NDST4: variants seen among roughly 807,000 people sequenced by gnomAD.
NDST4 encodes N-heparan sulfate sulfotransferase 4.
In NDST4, 63 loss-of-function variants were observed where a neutral mutation model predicts 100.8. The ratio of observed to expected loss-of-function variants is 0.62; its 90% CI spans 0.51 to 0.77. NDST4 has a LOEUF of 0.77. NDST4 is among the 30% of genes least tolerant of loss of function. The pLI, the probability that NDST4 is intolerant of heterozygous loss-of-function variation, is 0.00. For synonymous variants in NDST4, 377 were observed against 361.8 expected (o/e 1.04, Z -0.48); for missense variants, 943 against 1,018.4 (o/e 0.93, Z 1.01).
intron 7 of NDST4, among the ~76,000 whole-genome samples, chr4:114,855,517 T>C (rs1578345660): frequency 6.6e-6 from 1 of 152,310 alleles, no homozygotes; most frequent in South Asian, 2.1e-4. Context: ...CCAGTACTGG[T>C]TACTGAAGAA....
At chr4:114,853,792 G>C (rs181606631) in intron 7 of NDST4, among the ~76,000 whole-genome samples, 10 of 152,130 alleles carry the variant, frequency 6.6e-5, no homozygotes, top group African/African-American at 2.2e-4. Flanking sequence ...ACTTTAATCA[G>C]TTCCTTTTTC....
At chr4:115,035,629 G>A (rs527649223) in intron 2 of NDST4, among the ~76,000 whole-genome samples, 18 of 152,090 alleles carry the variant, frequency 1.2e-4, no homozygotes, top group South Asian at 6.2e-4. Context: ...AAAACATAGC[G>A]ACATGTTTTT....
intron 6 of NDST4, among the ~76,000 whole-genome samples, chr4:114,873,409 T>C (rs375506066): frequency 6.6e-6 from 1 of 151,728 alleles, no homozygotes; most frequent in East Asian, 1.9e-4. Flanking sequence ...TTTAAATCAT[T>C]TAAAAATTTA....
At chr4:115,009,099 G>A (rs1459227161) in intron 2 of NDST4, among the ~76,000 whole-genome samples, 1 of 125,446 alleles carries the variant, frequency 8.0e-6, no homozygotes, top group Non-Finnish European at 1.7e-5. Flanking sequence ...CGTGAAAATG[G>A]CCATACTGCC....
chr4:114,991,991 A>G (rs1168846257), intron 2 of NDST4, among the ~76,000 whole-genome samples: 2 of 151,970 alleles, frequency 1.3e-5, no homozygotes, highest in African/African-American at 4.8e-5. Context: ...TATAATCAGT[A>G]TATCTTTTTC....
At chr4:114,925,944 T>A (rs574109339) in intron 6 of NDST4, among the ~76,000 whole-genome samples, 4 of 152,284 alleles carry the variant, frequency 2.6e-5, no homozygotes, top group African/African-American at 9.6e-5. Flanking sequence ...GTGGAAACCA[T>A]CTGATAAGAC....
chr4:114,839,403 C>A lies in NDST4; in HGVS notation c.2261G>T (p.Trp754Leu), dbSNP rs1723378834. Residue 754 changes from tryptophan to leucine, a missense_variant, in exon 11 of 14, where the codon TGG becomes TTG. By Grantham distance (61) the Trp-to-Leu change is moderately conservative (BLOSUM62 -2). This residue lies in a region of NDST4 where 526 missense variants were observed against 634.1 expected (regional missense o/e 0.83). Transcript: ENST00000264363. Reference protein sequence around the residue: ...PGWYAVHIERWLTYFATSQLL... With the variant: ...PGWYAVHIERLLTYFATSQLL... ...CTGAGAAGTAGCAAAGTAAGTTAGCCATCTTTCTATGTGGACTGCATACCA... is the reference window on the plus strand; with the variant it reads ...CTGAGAAGTAGCAAAGTAAGTTAGCAATCTTTCTATGTGGACTGCATACCA... The A allele has an allele frequency of 6.2e-7, 1 of 1,610,946 alleles. No individual in the cohort carries two copies. Among genetic ancestry groups the A allele is most frequent in the African/African-American group, 1.3e-5 (1 of 74,870 alleles).
intron 5 of NDST4, 140 bp downstream of exon 5, chr4:114,937,178 T>A: frequency 1.1e-6 from 1 of 877,970 alleles, no homozygotes; most frequent in Non-Finnish European, 1.8e-6. Flanking sequence ...GCATAACCAG[T>A]CACCATTGAG....
intron 2 of NDST4, among the ~76,000 whole-genome samples, chr4:115,021,273 C>T (rs925594145): frequency 0.011 from 1,508 of 139,742 alleles, 37 homozygotes; most frequent in African/African-American, 0.041. Flanking sequence ...ATATATTCCA[C>T]ATGTGTATTC....
intron 4 of NDST4, among the ~76,000 whole-genome samples, chr4:114,968,230 C>T (rs573578175): frequency 7.9e-5 from 12 of 152,254 alleles, no homozygotes; most frequent in South Asian, 4.2e-4. Context: ...ATTTGACTTG[C>T]GCTATGCTTC....
At chr4:114,940,822 C>T (rs1196827995) in intron 4 of NDST4, among the ~76,000 whole-genome samples, 2 of 152,042 alleles carry the variant, frequency 1.3e-5, no homozygotes, top group Admixed American at 1.3e-4. Context: ...TCAAGCTGGC[C>T]CTCTGAAGTC....
At chr4:115,113,291 AG>A (rs1285089150) in intron 1 of NDST4, among the ~76,000 whole-genome samples, 152 bp downstream of exon 1, 1 of 151,910 alleles carries the variant, frequency 6.6e-6, no homozygotes, top group Admixed American at 6.6e-5. Flanking sequence ...CATGCGGAAA[AG>A]GGAGATTGAA....
intron 7 of NDST4, among the ~76,000 whole-genome samples, chr4:114,860,785 T>C (rs1383030692): frequency 6.6e-6 from 1 of 152,254 alleles, no homozygotes; most frequent in Non-Finnish European, 1.5e-5. Context: ...CTCATTGTGT[T>C]TCAAAGTACT....
chr4:114,919,044 A>G (rs1725235903), intron 6 of NDST4, among the ~76,000 whole-genome samples: 1 of 152,242 alleles, frequency 6.6e-6, no homozygotes, highest in African/African-American at 2.4e-5. Flanking sequence ...GTGTATGCCA[A>G]AACAAACAAT....
intron 4 of NDST4, among the ~76,000 whole-genome samples, chr4:114,963,617 T>A (rs1354657032): frequency 6.6e-6 from 1 of 152,152 alleles, no homozygotes; most frequent in Non-Finnish European, 1.5e-5. Context: ...AATGATACAA[T>A]GGTAACTTGC....
chr4:114,914,428 T>C (rs1270471619), intron 6 of NDST4, among the ~76,000 whole-genome samples: 1 of 151,982 alleles, frequency 6.6e-6, no homozygotes, highest in Admixed American at 6.6e-5. Flanking sequence ...ATCTCATACA[T>C]CCCATAAATA....
chr4:114,950,345 G>T (rs1031864069), intron 4 of NDST4, among the ~76,000 whole-genome samples: 1 of 152,006 alleles, frequency 6.6e-6, no homozygotes, highest in African/African-American at 2.4e-5. Flanking sequence ...ATTTCTAAGG[G>T]TATAGTAGGT....
chr4:114,898,711 T>G (rs1466577259), intron 6 of NDST4, among the ~76,000 whole-genome samples: 1 of 151,690 alleles, frequency 6.6e-6, no homozygotes, highest in Admixed American at 6.6e-5. Flanking sequence ...TTGACTTATT[T>G]TATCAGAGTT....
intron 4 of NDST4, among the ~76,000 whole-genome samples, chr4:114,964,070 A>G (rs1377478967): frequency 6.6e-6 from 1 of 152,172 alleles, no homozygotes; most frequent in Non-Finnish European, 1.5e-5. Flanking sequence ...AAGACTCTGA[A>G]TCAATCTGTC....
Sources: allele counts gnomAD v4.1 joint callset (sites outside exome capture counted in the v4.1 genomes callset), GRCh38; gene constraint gnomAD v4.1.1; regional missense constraint gnomAD v4.1.1; transcripts MANE v1.5; gene names NCBI Gene and HGNC (gene_info 2026-07-23, HGNC 2026-07-21).